Variants in SLC6A17 observed in about 807,000 individuals in gnomAD.
The protein encoded by SLC6A17 is solute carrier family 6 member 17, also known as sodium-dependent neutral amino acid transporter SLC6A17.
In SLC6A17, 21 loss-of-function variants were observed where a neutral mutation model predicts 64.5. The observed-to-expected ratio is 0.33, with a 90% CI of 0.23 to 0.47. SLC6A17 has a LOEUF of 0.47. Ranked by LOEUF, SLC6A17 falls within the 20% of genes least tolerant of loss-of-function variation. The pLI is 1.00. For synonymous variants in SLC6A17, 372 were observed against 399.5 expected, an observed-to-expected ratio of 0.93 and a Z score of 0.82; for missense variants, 682 against 963.2, an observed-to-expected ratio of 0.71 and a Z score of 3.86.
intron 8 of SLC6A17, among the ~76,000 whole-genome samples, chr1:110,194,309 T>G (rs530003465): frequency 6.6e-6 from 1 of 152,336 alleles, no homozygotes; most frequent in African/African-American, 2.4e-5. Context: ...GCATCTTCAC[T>G]TGAATCACCT....
At chr1:110,176,545 A>G (rs1441611389) in intron 5 of SLC6A17, 84 bp from the exon 6 acceptor site, 2 of 1,322,188 alleles carry the variant, frequency 1.5e-6, no homozygotes, top group African/African-American at 1.4e-5. Context: ...GGGGCGGCTC[A>G]TGTGCCCCAG....
intron 6 of SLC6A17, among the ~76,000 whole-genome samples, chr1:110,181,331 A>G (rs1656517204): frequency 6.6e-6 from 1 of 152,274 alleles, no homozygotes; most frequent in Non-Finnish European, 1.5e-5. Flanking sequence ...AGATGTACTC[A>G]TACGTAAGCA....
intron 1 of SLC6A17, among the ~76,000 whole-genome samples, chr1:110,158,632 A>G (rs1655821313): frequency 6.6e-6 from 1 of 152,260 alleles, no homozygotes; most frequent in African/African-American, 2.4e-5. Context: ...TTTCAGGTCT[A>G]GAAGGTAAAA....
chr1:110,198,215 C>T lies in SLC6A17; in HGVS notation c.1955C>T (p.Ser652Phe). 6.2e-7 allele frequency: 1 copy of T among 1,614,184 alleles called. No individual in the cohort carries two copies. Among genetic ancestry groups the T allele is most frequent in the Non-Finnish European group, 8.5e-7 (1 of 1,180,012 alleles). The change falls in exon 12 of 12, where the codon TCC (serine) becomes TTC (phenylalanine). Residue 652 changes from serine (S) to phenylalanine (F), a missense_variant. Physicochemically the swap from Ser to Phe is radical, Grantham distance 155. This residue lies in a region of SLC6A17 where 264 missense variants were observed against 339.5 expected (regional missense o/e 0.78). Coordinates refer to ENST00000331565, the MANE Select transcript of SLC6A17 (RefSeq NM_001010898.4). ...CTCTCTGATGGCTCCAACACCCTCT[C>T]CGTGTCCTACAAGAAGGGCCGCATG... Reference protein sequence around the residue: ...HLLSDGSNTLSVSYKKGRMMK... With the variant: ...HLLSDGSNTLFVSYKKGRMMK...
At chr1:110,170,409 G>A (rs957072261) in intron 2 of SLC6A17, among the ~76,000 whole-genome samples, 14 of 152,304 alleles carry the variant, frequency 9.2e-5, no homozygotes, top group East Asian at 1.9e-4. Context: ...GTGTGAACCC[G>A]GGAGGCAGAG....
chr1:110,169,628 A>G (rs1395198971), intron 2 of SLC6A17, among the ~76,000 whole-genome samples: 1 of 152,050 alleles, frequency 6.6e-6, no homozygotes, highest in Non-Finnish European at 1.5e-5. Flanking sequence ...CGAGGCATAG[A>G]TGATTAGAGA....
At chr1:110,160,747 G>A (rs965370610) in intron 1 of SLC6A17, among the ~76,000 whole-genome samples, 1 of 152,206 alleles carries the variant, frequency 6.6e-6, no homozygotes, top group Non-Finnish European at 1.5e-5. Flanking sequence ...AGAGTGAGTG[G>A]TGAGTGGGCT....
intron 6 of SLC6A17, chr1:110,178,191 A>C (rs1345827220): frequency 6.6e-6 from 1 of 152,222 alleles, no homozygotes; most frequent in Admixed American, 6.5e-5. Context: ...TCAGTTTTCC[A>C]ATTCTACTTT....
At chr1:110,165,310 C>T (rs1039484827) in intron 1 of SLC6A17, among the ~76,000 whole-genome samples, 3 of 152,164 alleles carry the variant, frequency 2.0e-5, no homozygotes, top group African/African-American at 4.8e-5. Flanking sequence ...AAGTGCCACC[C>T]GTGGGGCACC....
In SLC6A17 at chr1:110,198,281, G is replaced by A. The variant is rs796052160; in HGVS notation, c.2021G>A (p.Arg674His). 4 of 1,614,104 alleles carry A rather than the reference G, an allele frequency of 2.5e-6. No homozygotes were observed. The highest frequency in any genetic ancestry group is 3.4e-6 in the Non-Finnish European group (4 of 1,180,028). ...AACCTGGAGGAGAACGATGAGACCC[G>A]CTTCATCCTCAGCAAGGTGCCCAGT... The part of the protein sequence containing the change: ...ISNLEENDET[R>H]FILSKVPSEA... Residue 674 changes from arginine to histidine, a missense_variant, in exon 12 of 12, where the codon CGC (arginine) becomes CAC (histidine). Transcript: ENST00000331565.
At chr1:110,170,728 T>C (rs1656199946) in intron 2 of SLC6A17, among the ~76,000 whole-genome samples, 1 of 152,228 alleles carries the variant, frequency 6.6e-6, no homozygotes, top group Non-Finnish European at 1.5e-5. Flanking sequence ...GTGAGTTAGA[T>C]GCTGTCATAT....
intron 9 of SLC6A17, chr1:110,195,052 C>A (rs1027710414): frequency 2.4e-5 from 12 of 496,158 alleles, no homozygotes; most frequent in Non-Finnish European, 4.0e-5. Flanking sequence ...GCTGAGTCGT[C>A]TTGGGAAGTG....
At position 110,202,125 on chromosome 1, in the gene SLC6A17, G is replaced by A. The variant is rs1407828210; in HGVS notation, c.*3681G>A. ...CAAAACCACTCAGCCCAGGGGAGGGGATGAGGCATTGTCACCCTAGACCCC... is the reference window on the plus strand; with the variant it reads ...CAAAACCACTCAGCCCAGGGGAGGGAATGAGGCATTGTCACCCTAGACCCC... On this transcript the variant is annotated 3_prime_UTR_variant, in exon 12 of 12. Coordinates refer to ENST00000331565, the MANE Select transcript of SLC6A17 (RefSeq NM_001010898.4). 6.6e-6 allele frequency: 1 copy of A among 152,272 alleles called. No individual in the cohort carries two copies. The highest frequency in any genetic ancestry group is 1.5e-5 in the Non-Finnish European group (1 of 68,122). 9.4% of individuals were successfully genotyped at this position (152,272 alleles called of 1,614,324 possible).
At chr1:110,161,776 C>T (rs75149954) in intron 1 of SLC6A17, among the ~76,000 whole-genome samples, 173 of 152,302 alleles carry the variant, frequency 1.1e-3, no homozygotes, top group South Asian at 3.7e-3. Flanking sequence ...TCCTCCTCCC[C>T]GGCTGCTGTG....
At chr1:110,181,901 C>T (rs1039398931) in intron 6 of SLC6A17, among the ~76,000 whole-genome samples, 4 of 152,122 alleles carry the variant, frequency 2.6e-5, no homozygotes, top group Admixed American at 6.5e-5. Flanking sequence ...AATGTACAGC[C>T]GGATCATGAG....
At chr1:110,166,688 G>C in intron 1 of SLC6A17, 155 bp from the exon 2 acceptor site, 2 of 419,622 alleles carry the variant, frequency 4.8e-6, no homozygotes, top group South Asian at 5.2e-5. Context: ...TCCTCACCGG[G>C]CAGCCCCTGA....
rs764815990 is a variant in SLC6A17 at position 110,172,054 on chromosome 1, C to T, written c.287-6C>T. The T allele has an allele frequency of 6.2e-7, 1 of 1,613,936 alleles. No individual in the cohort carries two copies. Among genetic ancestry groups the T allele is most frequent in the African/African-American group, 1.3e-5 (1 of 75,048 alleles). ...CCCCTCTGCCATCCCTCTGCTCTCC[C>T]CACAGGTGCTTACCTGGTGCCCTAC... On this transcript the variant is annotated splice_region_variant and splice_polypyrimidine_tract_variant and intron_variant, in intron 2 of 11. Transcript: ENST00000331565.
intron 6 of SLC6A17, among the ~76,000 whole-genome samples, chr1:110,188,233 T>C (rs985524507): frequency 3.9e-5 from 6 of 152,236 alleles, no homozygotes; most frequent in African/African-American, 1.2e-4. Context: ...CCAAAACCAG[T>C]CAGCCCCCAG....
chr1:110,157,644 A>G (rs968623046), intron 1 of SLC6A17, among the ~76,000 whole-genome samples: 2 of 152,158 alleles, frequency 1.3e-5, no homozygotes, highest in Non-Finnish European at 2.9e-5. Context: ...CCTCTGCTTG[A>G]AAACCTCCAA....
Sources: allele counts gnomAD v4.1 joint callset (sites outside exome capture counted in the v4.1 genomes callset), GRCh38; gene constraint gnomAD v4.1.1; regional missense constraint gnomAD v4.1.1; transcripts MANE v1.5; gene names NCBI Gene and HGNC (gene_info 2026-07-23, HGNC 2026-07-21).